MYH9: variants seen among roughly 807,000 people sequenced by gnomAD.
The protein encoded by MYH9 is myosin heavy chain 9.
In MYH9, 29 loss-of-function variants were observed where a neutral mutation model predicts 241.9. That is an observed-to-expected ratio of 0.12 (90% confidence interval 0.09 to 0.16). The LOEUF (loss-of-function observed/expected upper bound fraction) is 0.16. MYH9 is among the 10% of genes least tolerant of loss of function. The pLI is 1.00. For synonymous variants in MYH9, 1,047 were observed against 1,062.6 expected (o/e 0.99, Z 0.29); for missense variants, 1,803 against 2,595.5 (o/e 0.69, Z 6.63).
chr22:36,371,983 A>T (rs1253174549), intron 1 of MYH9, among the ~76,000 whole-genome samples: 1 of 152,006 alleles, frequency 6.6e-6, no homozygotes, highest in Non-Finnish European at 1.5e-5. Flanking sequence ...AGTTGCCTTA[A>T]TCAATGATGT....
intron 40 of MYH9, among the ~76,000 whole-genome samples, chr22:36,283,652 A>C (rs1178606280): frequency 6.6e-6 from 1 of 152,168 alleles, no homozygotes; most frequent in Non-Finnish European, 1.5e-5. Context: ...CCACAAAAAA[A>C]CACGTAAGAA....
intron 1 of MYH9, among the ~76,000 whole-genome samples, chr22:36,362,096 C>A (rs1396469021): frequency 6.6e-6 from 1 of 151,944 alleles, no homozygotes; most frequent in African/African-American, 2.4e-5. Context: ...AAATCATCCT[C>A]CCTTACCTGC....
At chr22:36,340,324 A>G (rs1042923626) in intron 3 of MYH9, among the ~76,000 whole-genome samples, 3 of 152,026 alleles carry the variant, frequency 2.0e-5, no homozygotes, top group African/African-American at 7.2e-5. Context: ...TACATCCCAG[A>G]AAGATGACCA....
At chr22:36,350,548 C>T (rs1014030015) in intron 1 of MYH9, among the ~76,000 whole-genome samples, 9 of 152,180 alleles carry the variant, frequency 5.9e-5, no homozygotes, top group African/African-American at 1.9e-4. Context: ...AAAAAAAAGA[C>T]ATAAAATAAC....
chr22:36,364,830 C>A (rs1250744436), intron 1 of MYH9: 1 of 152,168 alleles, frequency 6.6e-6, no homozygotes, highest in Non-Finnish European at 1.5e-5. Context: ...GGTAGACAGG[C>A]TGCCTGTGGA....
chr22:36,285,813 A>T lies in MYH9; in HGVS notation c.5151-32T>A, dbSNP rs752715390. The T allele has an allele frequency of 1.2e-6, 2 of 1,612,706 alleles. No homozygotes were observed. The highest frequency in any genetic ancestry group is 1.7e-6 in the Non-Finnish European group (2 of 1,179,708). On this transcript the variant is annotated intron_variant, in intron 36 of 40. Coordinates refer to ENST00000216181, the MANE Select transcript of MYH9 (RefSeq NM_002473.6). The surrounding 1 kb of genome is among the most constrained non-coding windows in gnomAD (Gnocchi z 7.0). The stretch of plus-strand genomic sequence containing the variant: ...GGTGGGCGGGAGAAGTGAGGGGCCT[A>T]CCCTGGGGACACACCTGGTCCCCCC...
chr22:36,381,933 T>TA (rs1184327943), intron 1 of MYH9, among the ~76,000 whole-genome samples: 1 of 152,196 alleles, frequency 6.6e-6, no homozygotes, highest in Non-Finnish European at 1.5e-5. Context: ...TCCTAGAATA[T>TA]AGTCGGAAGG....
chr22:36,303,075 T>C (rs1481664264), intron 19 of MYH9, among the ~76,000 whole-genome samples: 1 of 152,112 alleles, frequency 6.6e-6, no homozygotes, highest in East Asian at 1.9e-4. Flanking sequence ...TCTGAGCTTT[T>C]GTTTGGTGGG....
chr22:36,299,104 C>CA, intron 23 of MYH9, 62 bp from the exon 24 acceptor site: 1 of 1,609,050 alleles, frequency 6.2e-7, no homozygotes. Context: ...TTGCTAGCCT[C>CA]AAAGCATGAC....
intron 1 of MYH9, among the ~76,000 whole-genome samples, chr22:36,352,003 T>C (rs1569536723): frequency 6.6e-6 from 1 of 152,054 alleles, no homozygotes; most frequent in Non-Finnish European, 1.5e-5. Flanking sequence ...CCCCAATTCA[T>C]AAACTAGGAA....
chr22:36,288,113 T>G lies in MYH9; in HGVS notation c.4932+139A>C. On this transcript the variant is annotated intron_variant, in intron 34 of 40. Coordinates refer to ENST00000216181, the MANE Select transcript of MYH9 (RefSeq NM_002473.6). This position sits in a 1 kb window ranked among gnomAD's most constrained non-coding sequence, Gnocchi z 4.8. ...AGCCTCTGAGTCTCTGTCAGTGAGA[T>G]GGGGCTGGAAGCACCCAGGACCTTC... 1.0e-6 allele frequency: 1 copy of G among 995,102 alleles called. No individual in the cohort carries two copies. Among genetic ancestry groups the G allele is most frequent in the Non-Finnish European group, 1.5e-6 (1 of 652,184 alleles). 61.6% of individuals were successfully genotyped at this position (995,102 alleles called of 1,614,324 possible). A position where few individuals can be genotyped will look rare whatever the true frequency, so the allele number is the denominator to read the frequency against.
At position 36,300,889 on chromosome 22, in the gene MYH9, G is replaced by A. The variant is rs1212381234; in HGVS notation, c.2800C>T (p.Leu934=). Reference sequence around the variant, plus strand: ...TGCATCTTCTTCTTCTCCGCCTGCAGGTGCTGGCAGCGCTCCTCCTCCTCC... The same window carrying A: ...TGCATCTTCTTCTTCTCCGCCTGCAAGTGCTGGCAGCGCTCCTCCTCCTCC... ...VEEEEERCQH[L]QAEKKKMQQN... Residue 934 remains leucine, a synonymous_variant, in exon 22 of 41, where the codon CTG becomes TTG. Coordinates refer to ENST00000216181, the MANE Select transcript of MYH9 (RefSeq NM_002473.6). This position sits in a 1 kb window ranked among gnomAD's most constrained non-coding sequence, Gnocchi z 5.0. The A allele has an allele frequency of 6.2e-7, 1 of 1,605,344 alleles. No individual in the cohort carries two copies. The highest frequency in any genetic ancestry group is 2.2e-5 in the East Asian group (1 of 44,884).
intron 34 of MYH9, 181 bp from the exon 35 acceptor site, chr22:36,287,027 C>T (rs1461801462): frequency 1.2e-5 from 9 of 760,746 alleles, no homozygotes; most frequent in Admixed American, 9.1e-5. Flanking sequence ...TATCCCACCC[C>T]GTAATGCACA....
At chr22:36,312,410 G>T (rs1007039950) in intron 13 of MYH9, among the ~76,000 whole-genome samples, 188 bp from the exon 14 acceptor site, 2 of 152,178 alleles carry the variant, frequency 1.3e-5, no homozygotes, top group Non-Finnish European at 2.9e-5. Flanking sequence ...CCCAGGCTGC[G>T]GCTGACACCT....
intron 27 of MYH9, 34 bp from the exon 28 acceptor site, chr22:36,294,332 G>T (rs375276445): frequency 1.2e-6 from 2 of 1,604,256 alleles, no homozygotes. Context: ...GTGAGTGGGG[G>T]CCTCCTGACA....
At chr22:36,339,509 C>T (rs1333453905) in intron 3 of MYH9, among the ~76,000 whole-genome samples, 1 of 152,198 alleles carries the variant, frequency 6.6e-6, no homozygotes, top group Non-Finnish European at 1.5e-5. Flanking sequence ...TTTTGATAGA[C>T]GTGAACATAA....
intron 1 of MYH9, among the ~76,000 whole-genome samples, chr22:36,360,981 C>T (rs778013827): frequency 8.5e-5 from 13 of 152,190 alleles, no homozygotes; most frequent in Admixed American, 2.6e-4. Flanking sequence ...CTCTGCAATA[C>T]ACACCAGGGC....
rs529251737 is a variant in MYH9, at chr22:36,381,386, G to A, written c.-20+6421C>T. Among the ~76,000 whole-genome samples, 24 of 151,708 alleles carry A rather than the reference G, an allele frequency of 1.6e-4. 1 individual carries two copies. In the East Asian group the frequency reaches 2.3e-3, roughly 15 times the overall value. ...AAAAAAATTAGCTGGGCATAGTGGC[G>A]CACACCTGTAATCCCAGCTACTCAG... On this transcript the variant is annotated intron_variant, in intron 1 of 40. Coordinates refer to ENST00000216181, the MANE Select transcript of MYH9 (RefSeq NM_002473.6).
chr22:36,369,861 C>T (rs551669127), intron 1 of MYH9, among the ~76,000 whole-genome samples: 257 of 152,250 alleles, frequency 1.7e-3, no homozygotes, highest in African/African-American at 6.0e-3. Context: ...TGGGGCTAGT[C>T]ACGTAGGTTT....
Sources: allele counts gnomAD v4.1 joint callset (sites outside exome capture counted in the v4.1 genomes callset), GRCh38; gene constraint gnomAD v4.1.1; non-coding constraint Gnocchi (gnomAD v3.1); transcripts MANE v1.5; gene names NCBI Gene and HGNC (gene_info 2026-07-23, HGNC 2026-07-21).